ADAMTSL1: variants seen among roughly 807,000 people sequenced by gnomAD.
ADAMTSL1 encodes ADAMTS-like protein 1.
ADAMTSL1 carries 126 observed loss-of-function variants against 201.8 expected under a neutral mutation model. The ratio of observed to expected loss-of-function variants is 0.62; its 90% CI spans 0.54 to 0.72. The LOEUF (loss-of-function observed/expected upper bound fraction) is 0.72, where lower values mean the gene tolerates loss of function less well. Among genes scored for constraint, ADAMTSL1 ranks in the 30% least tolerant of loss-of-function variants. ADAMTSL1 has a pLI of 0.00. For missense variants in ADAMTSL1, 2,679 were observed against 2,277.8 expected, an observed-to-expected ratio of 1.18 and a Z score of -3.59; for synonymous variants, 1,121 against 903.4, an observed-to-expected ratio of 1.24 and a Z score of -4.32.
At chr9:18,326,864 A>T (rs1051770278) in intron 2 of ADAMTSL1, among the ~76,000 whole-genome samples, 9 of 152,246 alleles carry the variant, frequency 5.9e-5, no homozygotes, top group African/African-American at 2.2e-4. Flanking sequence ...ACTTGCCATT[A>T]TTTAAGTGAA....
intron 20 of ADAMTSL1, among the ~76,000 whole-genome samples, chr9:18,807,750 T>A (rs1823256231): frequency 6.6e-6 from 1 of 152,102 alleles, no homozygotes; most frequent in Admixed American, 6.5e-5. Flanking sequence ...TCTCAGCACC[T>A]TTTTCTGTTT....
intron 1 of ADAMTSL1, among the ~76,000 whole-genome samples, chr9:18,153,523 T>C (rs1827014106): frequency 6.6e-6 from 1 of 152,050 alleles, no homozygotes; most frequent in South Asian, 2.1e-4. Flanking sequence ...GTAGTCCTAA[T>C]CTGTGGAGCT....
chr9:18,373,972 G>T (rs1338605979), intron 2 of ADAMTSL1, among the ~76,000 whole-genome samples: 2 of 152,162 alleles, frequency 1.3e-5, no homozygotes, highest in East Asian at 3.9e-4. Flanking sequence ...AGTTATCATA[G>T]ACTAGGAACT....
chr9:18,831,708 C>T (rs1166724990), intron 23 of ADAMTSL1, among the ~76,000 whole-genome samples: 6 of 152,202 alleles, frequency 3.9e-5, no homozygotes, highest in African/African-American at 1.4e-4. Flanking sequence ...CAGACTGCTC[C>T]ATTTGAATGA....
At chr9:18,818,808 A>G (rs1051945538) in intron 21 of ADAMTSL1, among the ~76,000 whole-genome samples, 2 of 152,064 alleles carry the variant, frequency 1.3e-5, no homozygotes, top group Admixed American at 1.3e-4. Context: ...AAATTAGGAT[A>G]TCTGAAATAT....
Position 18,764,485 on chromosome 9 carries a change from A to G in ADAMTSL1, c.2218-6117A>G, listed in dbSNP as rs370529227. Among the ~76,000 whole-genome samples the G allele has an allele frequency of 5.2e-4, 79 of 152,330 alleles. 1 individual carries two copies. The highest frequency in any genetic ancestry group is 1.9e-3 in the African/African-American group (78 of 41,574). ...TCTTTCCAATTTGGATGCCATTTAT[A>G]TCCTTCTCTTGTCTTACTGCTCTAG... On this transcript the variant is annotated intron_variant, in intron 16 of 28. Transcript: ENST00000380548.
intron 2 of ADAMTSL1, among the ~76,000 whole-genome samples, chr9:18,355,562 T>C (rs1009349277): frequency 3.3e-5 from 5 of 152,180 alleles, no homozygotes; most frequent in Non-Finnish European, 7.4e-5. Context: ...TTGATAAAAA[T>C]ACATATAGTA....
At chr9:18,116,740 A>G (rs1825267250) in intron 1 of ADAMTSL1, among the ~76,000 whole-genome samples, 1 of 152,050 alleles carries the variant, frequency 6.6e-6, no homozygotes, top group African/African-American at 2.4e-5. Context: ...TTATACTTTA[A>G]GTTTTAGGGT....
chr9:18,780,169 G>A (rs1179190063), intron 19 of ADAMTSL1, among the ~76,000 whole-genome samples: 1 of 152,188 alleles, frequency 6.6e-6, no homozygotes, highest in Non-Finnish European at 1.5e-5. Flanking sequence ...GGTGACTGCA[G>A]GAATGATGTG....
intron 9 of ADAMTSL1, among the ~76,000 whole-genome samples, chr9:18,670,260 G>A (rs555573567): frequency 1.3e-5 from 2 of 152,226 alleles, no homozygotes; most frequent in East Asian, 1.9e-4. Flanking sequence ...GTCCAGGGCA[G>A]GTTGAGTTGT....
intron 1 of ADAMTSL1, among the ~76,000 whole-genome samples, chr9:18,035,532 C>A (rs1291787716): frequency 2.6e-5 from 4 of 152,146 alleles, no homozygotes; most frequent in Non-Finnish European, 4.4e-5. Flanking sequence ...AATTTACTTC[C>A]TCACCACCTC....
intron 1 of ADAMTSL1, among the ~76,000 whole-genome samples, chr9:18,487,431 A>G (rs1448851337): frequency 6.6e-6 from 1 of 152,214 alleles, no homozygotes; most frequent in Non-Finnish European, 1.5e-5. Flanking sequence ...GTTTTAAATC[A>G]CATGGTCCTT....
At chr9:18,576,983 A>G (rs1410914367) in intron 4 of ADAMTSL1, among the ~76,000 whole-genome samples, 1 of 152,142 alleles carries the variant, frequency 6.6e-6, no homozygotes, top group Non-Finnish European at 1.5e-5. Flanking sequence ...GAGGCCAGGT[A>G]TACAGAGGCG....
intron 1 of ADAMTSL1, among the ~76,000 whole-genome samples, chr9:18,136,335 A>T (rs993173761): frequency 6.6e-6 from 1 of 152,208 alleles, no homozygotes; most frequent in Non-Finnish European, 1.5e-5. Context: ...CTTGGAAACC[A>T]CTGGATTAGA....
rs1044722138 is a variant in ADAMTSL1, at chr9:18,743,884, G to A, written c.2007-9414G>A. Among the ~76,000 whole-genome samples, 7 of 152,260 alleles carry A rather than the reference G, an allele frequency of 4.6e-5. No individual in the cohort carries two copies. In the South Asian group the frequency reaches 6.2e-4, roughly 14 times the overall value. On this transcript the variant is annotated intron_variant, in intron 15 of 28. Transcript: ENST00000380548. ...AGGGAGGAGTAGCAAATCCATCTGTGATCGCTGGGTATAACTGCTTTTCTG... is the reference window on the plus strand; with the variant it reads ...AGGGAGGAGTAGCAAATCCATCTGTAATCGCTGGGTATAACTGCTTTTCTG...
chr9:18,838,040 C>G (rs566377101), intron 23 of ADAMTSL1, among the ~76,000 whole-genome samples: 1 of 151,900 alleles, frequency 6.6e-6, no homozygotes, highest in African/African-American at 2.4e-5. Flanking sequence ...GTTTTCTTCC[C>G]GAGACTGGGA....
Position 18,320,216 on chromosome 9 carries a change from A to G in ADAMTSL1, c.207+156235A>G, listed in dbSNP as rs550012334. 2.7e-4 allele frequency among the ~76,000 whole-genome samples: 41 copies of G among 152,334 alleles called. No homozygotes were observed. In the South Asian group the frequency reaches 7.5e-3, roughly 28 times the overall value. ...ATTTTCACCATGTGAGTTGCTAAGA[A>G]AAGGAACAGTTAAACCATGCTGTAC... On this transcript the variant is annotated intron_variant, in intron 2 of 29. Transcript: ENST00000680146.
Position 18,571,092 on chromosome 9 carries a change from G to T in ADAMTSL1, c.238-2938G>T, listed in dbSNP as rs78835174. Among the ~76,000 whole-genome samples, 5 of 152,132 alleles carry T rather than the reference G, an allele frequency of 3.3e-5. No homozygotes were observed. The East Asian group carries it at 9.6e-4, about 29-fold the overall frequency. ...TTTAGGTCCTATTTTTCTTAGGAAA[G>T]GTGGAAAGAACCAACACAATTTATT... On this transcript the variant is annotated intron_variant, in intron 3 of 28. Transcript: ENST00000380548.
chr9:18,290,343 C>A (rs537639268), intron 2 of ADAMTSL1, among the ~76,000 whole-genome samples: 1 of 150,736 alleles, frequency 6.6e-6, no homozygotes, highest in Non-Finnish European at 1.5e-5. Flanking sequence ...GATGACAAAG[C>A]AGTGAGAAGG....
Sources: allele counts gnomAD v4.1 joint callset (sites outside exome capture counted in the v4.1 genomes callset), GRCh38; gene constraint gnomAD v4.1.1; transcripts MANE v1.5; gene names NCBI Gene and HGNC (gene_info 2026-07-23, HGNC 2026-07-21).